SNX29: variants seen among roughly 807,000 people sequenced by gnomAD.
SNX29 encodes sorting nexin 29, also known as sorting nexin-29.
Under a neutral mutation model 102.1 loss-of-function variants are expected in SNX29, and 78 were observed. The ratio of observed to expected loss-of-function variants is 0.76; its 90% confidence interval spans 0.64 to 0.92. The LOEUF (loss-of-function observed/expected upper bound fraction) is 0.92, where lower values mean the gene tolerates loss of function less well. Ranked by LOEUF, SNX29 falls within the 40% of genes least tolerant of loss-of-function variation. SNX29 has a pLI of 0.00. For synonymous variants in SNX29, 580 were observed against 414.5 expected, an observed-to-expected ratio of 1.40 and a Z score of -4.85; for missense variants, 1,280 against 1,061.7, an observed-to-expected ratio of 1.21 and a Z score of -2.86.
In SNX29 at chr16:12,553,238, C is replaced by G. The variant is rs185496117; in HGVS notation, c.2319-15268C>G. Among the ~76,000 whole-genome samples, 49 of 152,254 alleles carry G rather than the reference C, an allele frequency of 3.2e-4. No homozygotes were observed. In the East Asian group the frequency reaches 3.9e-3, roughly 12 times the overall value. On this transcript the variant is annotated intron_variant, in intron 20 of 20. Coordinates refer to ENST00000566228, the MANE Select transcript of SNX29 (RefSeq NM_032167.5). The stretch of plus-strand genomic sequence containing the variant: ...GCTCGCAGATGGGGACTTGAGAATA[C>G]AGAGAGAGATTGTACAAGACCACTG...
intron 20 of SNX29, chr16:12,557,380 G>A (rs6498320): frequency 0.56 from 85,535 of 151,866 alleles, 25,057 homozygotes; most frequent in Middle Eastern, 0.71. Flanking sequence ...GAGGGCTTGC[G>A]AATAGAAACA....
chr16:12,125,669 G>T (rs1258042920), intron 11 of SNX29, among the ~76,000 whole-genome samples: 2 of 124,178 alleles, frequency 1.6e-5, no homozygotes, highest in Non-Finnish European at 3.1e-5. Context: ...TGTCGACCAG[G>T]CTGGTCCTGA....
chr16:12,342,862 G>GC (rs773635149), intron 15 of SNX29, among the ~76,000 whole-genome samples: 1 of 152,170 alleles, frequency 6.6e-6, no homozygotes, highest in East Asian at 1.9e-4. Flanking sequence ...CTGTCCAGGT[G>GC]CTGGTGTTCA....
intron 3 of SNX29, among the ~76,000 whole-genome samples, chr16:12,014,229 T>G (rs770851271): frequency 7.9e-5 from 12 of 152,170 alleles, no homozygotes; most frequent in Non-Finnish European, 1.3e-4. Context: ...TATTCACGCC[T>G]GCATCCAGGG....
At chr16:12,239,673 G>C (rs1351867498) in intron 14 of SNX29, among the ~76,000 whole-genome samples, 1 of 129,918 alleles carries the variant, frequency 7.7e-6, no homozygotes, top group Admixed American at 8.2e-5. Flanking sequence ...AAAAAAATTA[G>C]TCCGGTGTGG....
chr16:12,429,626 C>G (rs78853121), intron 18 of SNX29, among the ~76,000 whole-genome samples: 1 of 152,170 alleles, frequency 6.6e-6, no homozygotes, highest in Non-Finnish European at 1.5e-5. Flanking sequence ...ACACTTTACA[C>G]CAAAACCATC....
chr16:12,509,060 G>A (rs987075638), intron 19 of SNX29, among the ~76,000 whole-genome samples: 4 of 152,052 alleles, frequency 2.6e-5, no homozygotes, highest in African/African-American at 9.7e-5. Context: ...TGGTCTCTCT[G>A]CCCACTGAGA....
chr16:12,108,300 AG>A (rs1469752421), intron 11 of SNX29, among the ~76,000 whole-genome samples: 1 of 152,216 alleles, frequency 6.6e-6, no homozygotes, highest in Non-Finnish European at 1.5e-5. Context: ...CTGGGACCCC[AG>A]GCCTGATGCC....
intron 18 of SNX29, among the ~76,000 whole-genome samples, chr16:12,442,209 T>A (rs145839073): frequency 1.3e-5 from 2 of 152,236 alleles, no homozygotes; most frequent in Non-Finnish European, 2.9e-5. Flanking sequence ...TTGGCACTCT[T>A]GTCAAAAACA....
chr16:12,262,437 C>T (rs1427727700), intron 14 of SNX29, among the ~76,000 whole-genome samples: 1 of 152,126 alleles, frequency 6.6e-6, no homozygotes, highest in African/African-American at 2.4e-5. Flanking sequence ...AGCACATGCA[C>T]AAAGAGACAG....
chr16:12,296,820 A>C (rs1321576386), intron 15 of SNX29, among the ~76,000 whole-genome samples: 1 of 152,254 alleles, frequency 6.6e-6, no homozygotes, highest in Non-Finnish European at 1.5e-5. Context: ...CCACTTAACA[A>C]AGGACTAAAG....
intron 14 of SNX29, among the ~76,000 whole-genome samples, chr16:12,248,518 C>T (rs1308659677): frequency 2.0e-5 from 3 of 152,024 alleles, no homozygotes; most frequent in African/African-American, 7.2e-5. Flanking sequence ...GCCTCAGCCT[C>T]CTGAGCGATT....
intron 19 of SNX29, among the ~76,000 whole-genome samples, chr16:12,512,870 G>C (rs1261082822): frequency 2.6e-5 from 4 of 152,138 alleles, no homozygotes. Context: ...TCTGCAGGGC[G>C]AGGCCTGTTT....
At chr16:12,345,056 C>T (rs929945624) in intron 15 of SNX29, among the ~76,000 whole-genome samples, 3 of 152,210 alleles carry the variant, frequency 2.0e-5, no homozygotes, top group Admixed American at 6.5e-5. Flanking sequence ...TTTCCGCTGA[C>T]CCTCCCATAA....
At chr16:12,291,272 GACCTC>G (rs2079783735) in intron 15 of SNX29, among the ~76,000 whole-genome samples, 2 of 152,186 alleles carry the variant, frequency 1.3e-5, no homozygotes, top group South Asian at 4.1e-4. Context: ...TGGCTGGGGA[GACCTC>G]ACAATCATGG....
At chr16:12,242,327 A>G (rs1221301792) in intron 14 of SNX29, among the ~76,000 whole-genome samples, 2 of 147,500 alleles carry the variant, frequency 1.4e-5, no homozygotes, top group East Asian at 1.9e-4. Context: ...TTAGATTCTC[A>G]TAGGAGAATC....
intron 19 of SNX29, among the ~76,000 whole-genome samples, chr16:12,485,623 G>A (rs1259470267): frequency 6.6e-6 from 1 of 152,140 alleles, no homozygotes; most frequent in Non-Finnish European, 1.5e-5. Flanking sequence ...TGGAGAGGTG[G>A]GAGCGAGTGG....
intron 15 of SNX29, among the ~76,000 whole-genome samples, chr16:12,351,126 G>A (rs1159901012): frequency 6.6e-6 from 1 of 152,214 alleles, no homozygotes; most frequent in African/African-American, 2.4e-5. Flanking sequence ...TCATTGGTAA[G>A]GAAAGCATGC....
chr16:12,078,461 G>A (rs1356125509), intron 10 of SNX29, among the ~76,000 whole-genome samples: 2 of 152,144 alleles, frequency 1.3e-5, no homozygotes, highest in East Asian at 3.9e-4. Context: ...AAAAAAAAAT[G>A]CTAAAAACAT....
Sources: gnomAD v4.1 joint callset for allele counts (sites outside exome capture counted in the v4.1 genomes callset) on GRCh38, gnomAD v4.1.1 for gene constraint, MANE v1.5 for transcripts, NCBI Gene and HGNC (gene_info 2026-07-23, HGNC 2026-07-21) for gene names.